ROBO2: variants seen among roughly 807,000 people sequenced by gnomAD.
ROBO2 encodes roundabout homolog 2.
Under a neutral mutation model 160.8 loss-of-function variants are expected in ROBO2, and 53 were observed. That is an observed-to-expected ratio of 0.33 (90% CI 0.26 to 0.41). ROBO2 has a LOEUF of 0.41. Among genes scored for constraint, ROBO2 ranks in the 10% least tolerant of loss-of-function variants. The probability of loss-of-function intolerance (pLI) is 1.00; values close to 1 mark genes in which losing one functional copy is unlikely to be tolerated. For synonymous variants in ROBO2, 664 were observed against 611.7 expected (o/e 1.09, Z -1.26); for missense variants, 1,577 against 1,722.4 (o/e 0.92, Z 1.49).
intron 2 of ROBO2, among the ~76,000 whole-genome samples, chr3:76,371,376 T>C (rs1418995949): frequency 1.3e-5 from 2 of 151,978 alleles, no homozygotes; most frequent in African/African-American, 4.8e-5. Flanking sequence ...TTGCACATAC[T>C]GTATTGACTG....
intron 2 of ROBO2, among the ~76,000 whole-genome samples, chr3:76,977,702 C>T (rs1278308582): frequency 1.3e-5 from 2 of 152,144 alleles, no homozygotes. Context: ...AAACATTTGA[C>T]AACACCTTCT....
chr3:77,141,288 C>T (rs1560096292), intron 2 of ROBO2, among the ~76,000 whole-genome samples: 1 of 151,768 alleles, frequency 6.6e-6, no homozygotes, highest in Admixed American at 6.6e-5. Context: ...ATAAAGCCCC[C>T]CCCCCTTGTA....
intron 6 of ROBO2, among the ~76,000 whole-genome samples, chr3:77,540,131 T>C (rs568696561): frequency 1.3e-5 from 2 of 152,280 alleles, no homozygotes; most frequent in South Asian, 2.1e-4. Flanking sequence ...TATAGGTTTA[T>C]GAATAAAGAG....
At chr3:76,471,538 G>A (rs550938714) in intron 2 of ROBO2, among the ~76,000 whole-genome samples, 35 of 152,160 alleles carry the variant, frequency 2.3e-4, no homozygotes, top group South Asian at 2.3e-3. Flanking sequence ...TCTTCACACA[G>A]TTTTGTGAAA....
chr3:76,468,083 C>A (rs942269348), intron 2 of ROBO2, among the ~76,000 whole-genome samples: 6 of 152,038 alleles, frequency 3.9e-5, no homozygotes, highest in African/African-American at 1.4e-4. Context: ...TGTTAAAAAT[C>A]ATCATTTAAA....
At chr3:77,210,074 C>T (rs575497054) in intron 2 of ROBO2, among the ~76,000 whole-genome samples, 213 of 152,146 alleles carry the variant, frequency 1.4e-3, no homozygotes, top group African/African-American at 4.8e-3. Context: ...TACTAAAGCT[C>T]AAGATTTTTT....
chr3:77,184,016 T>C (rs2081051273), intron 2 of ROBO2, among the ~76,000 whole-genome samples: 1 of 150,388 alleles, frequency 6.6e-6, no homozygotes, highest in Admixed American at 6.7e-5. Context: ...TGGACATCAT[T>C]AGATACCATG....
intron 2 of ROBO2, among the ~76,000 whole-genome samples, chr3:76,051,520 G>T (rs1176745519): frequency 6.6e-6 from 1 of 152,180 alleles, no homozygotes; most frequent in South Asian, 2.1e-4. Context: ...CTTGTAATGG[G>T]CGTGAATTAT....
chr3:76,294,233 G>GT (rs1314210410), intron 2 of ROBO2, among the ~76,000 whole-genome samples: 1 of 152,144 alleles, frequency 6.6e-6, no homozygotes, highest in African/African-American at 2.4e-5. Flanking sequence ...GTGCAGAGAT[G>GT]CCTGGATCTG....
intron 2 of ROBO2, among the ~76,000 whole-genome samples, chr3:76,851,653 T>G (rs1265302198): frequency 1.4e-5 from 2 of 141,202 alleles, no homozygotes; most frequent in Non-Finnish European, 3.0e-5. Flanking sequence ...GAGAATGGCG[T>G]GAACCCGGGA....
intron 2 of ROBO2, among the ~76,000 whole-genome samples, chr3:77,218,530 G>A (rs1431390920): frequency 2.0e-5 from 3 of 151,940 alleles, no homozygotes; most frequent in African/African-American, 7.2e-5. Flanking sequence ...CCACAAGCAT[G>A]CCTGGCTAAT....
intron 2 of ROBO2, among the ~76,000 whole-genome samples, chr3:77,012,261 G>A (rs1438926855): frequency 6.6e-6 from 1 of 152,124 alleles, no homozygotes; most frequent in Non-Finnish European, 1.5e-5. Context: ...TCCATTTTGA[G>A]ATATATGACT....
chr3:77,421,060 T>G (rs2077669675), intron 2 of ROBO2, among the ~76,000 whole-genome samples: 1 of 152,140 alleles, frequency 6.6e-6, no homozygotes, highest in African/African-American at 2.4e-5. Context: ...TCATAGTCTT[T>G]CCTATCACAC....
chr3:76,706,692 C>T (rs1344182476), intron 2 of ROBO2, among the ~76,000 whole-genome samples: 3 of 151,964 alleles, frequency 2.0e-5, no homozygotes, highest in African/African-American at 7.2e-5. Flanking sequence ...TATTTGGAAA[C>T]ATTGTAGAAT....
chr3:76,049,509 G>T (rs1406974795), intron 2 of ROBO2, among the ~76,000 whole-genome samples: 1 of 146,536 alleles, frequency 6.8e-6, no homozygotes, highest in South Asian at 2.2e-4. Context: ...CTCCCAAAGT[G>T]CTGGGATTAC....
chr3:77,418,889 T>C (rs2153530096), intron 2 of ROBO2, among the ~76,000 whole-genome samples: 1 of 152,230 alleles, frequency 6.6e-6, no homozygotes, highest in Non-Finnish European at 1.5e-5. Context: ...GACCTATTCA[T>C]ATGGGCAAAA....
intron 2 of ROBO2, among the ~76,000 whole-genome samples, chr3:76,021,289 ACT>A (rs2066568061): frequency 1.3e-5 from 2 of 151,882 alleles, no homozygotes; most frequent in South Asian, 2.1e-4. Flanking sequence ...TTGTCTCCTT[ACT>A]TGTTTATATT....
chr3:75,937,661 ATAT>A, intron 2 of ROBO2: 2 of 1,075,068 alleles, frequency 1.9e-6, no homozygotes, highest in East Asian at 5.5e-5. Flanking sequence ...CTTTATGATG[ATAT>A]TATGTGAGTC....
At chr3:77,628,538 G>A (rs570475498) in intron 23 of ROBO2, among the ~76,000 whole-genome samples, 8 of 151,680 alleles carry the variant, frequency 5.3e-5, no homozygotes, top group Admixed American at 3.9e-4. Context: ...GCCACTAGAC[G>A]TAAAATCAGT....
Sources: gnomAD v4.1 joint callset for allele counts (sites outside exome capture counted in the v4.1 genomes callset) on GRCh38, gnomAD v4.1.1 for gene constraint, MANE v1.5 for transcripts, NCBI Gene and HGNC (gene_info 2026-07-23, HGNC 2026-07-21) for gene names.